ZNF433: variants seen among roughly 807,000 people sequenced by gnomAD.
ZNF433 encodes the protein zinc finger protein 433.
A neutral mutation model predicts 10.6 loss-of-function variants in ZNF433; 12 were observed. The observed-to-expected ratio is 1.13, with a 90% CI of 0.72 to 1.83. ZNF433 has a LOEUF of 1.83. Ranked by LOEUF, ZNF433 falls within the 40% of genes most tolerant of loss-of-function variation. The pLI is 0.00. For synonymous variants in ZNF433, 272 were observed against 271.3 expected (o/e 1.00, Z -0.02); for missense variants, 737 against 798.0 (o/e 0.92, Z 0.92).
chr19:12,017,214 T>A (rs1164457900), intron 3 of ZNF433, among the ~76,000 whole-genome samples: 1 of 152,044 alleles, frequency 6.6e-6, no homozygotes, highest in Non-Finnish European at 1.5e-5. Flanking sequence ...TTTTGTTTTG[T>A]TTTTTTGAGA....
chr19:12,015,623 G>T lies in ZNF433; in HGVS notation c.1235C>A (p.Thr412Asn). 5.6e-6 allele frequency: 9 copies of T among 1,613,970 alleles called. No individual in the cohort carries two copies. The highest frequency in any genetic ancestry group is 7.6e-6 in the Non-Finnish European group (9 of 1,179,994). Reference sequence around the variant, plus strand: ...CTCGTAAGGTTTCTCTCCAGTGTGAGTTCTTTCATGATATCGGAAGGAACT... The same window carrying T: ...CTCGTAAGGTTTCTCTCCAGTGTGATTTCTTTCATGATATCGGAAGGAACT... ...SSSSFRYHER[T>N]HTGEKPYECK... Residue 412 changes from threonine to asparagine, a missense_variant, in exon 4 of 4, where the codon ACT becomes AAT. By Grantham distance (65) the Thr-to-Asn change is moderately conservative. Coordinates refer to ENST00000550507, the MANE Select transcript of ZNF433 (RefSeq NM_001308348.2).
rs759409147 is a variant in ZNF433 at position 12,017,919 on chromosome 19, G to T, written c.148C>A (p.Gln50Lys). The T allele has an allele frequency of 3.2e-6, 5 of 1,586,718 alleles. No homozygotes were observed. In the East Asian group the frequency reaches 9.0e-5, roughly 29 times the overall value. Residue 50 changes from glutamine to lysine, a missense_variant, in exon 3 of 4, where the codon CAG (glutamine) becomes AAG (lysine). Physicochemically the swap from Gln to Lys is moderately conservative, Grantham distance 53 (BLOSUM62 1). Coordinates refer to ENST00000550507, the MANE Select transcript of ZNF433 (RefSeq NM_001308348.2). ...LASIGKKWKPQNIYVEYENLR... is the reference protein window; with the variant it reads ...LASIGKKWKPKNIYVEYENLR... ...TTTTCGTACTCTACATATATGTTCT[G>T]GGGTTTCCATTTTTTCCCTACAACA...
At chr19:12,033,467 A>G (rs1398049666) in intron 1 of ZNF433, among the ~76,000 whole-genome samples, 1 of 151,694 alleles carries the variant, frequency 6.6e-6, no homozygotes, top group Non-Finnish European at 1.5e-5. Flanking sequence ...TGCAGTGAGC[A>G]GAGATTGTGC....
At position 12,018,312 on chromosome 19, in the gene ZNF433, T is replaced by C. The variant is rs762723085; in HGVS notation, c.4-20A>G. ...TGAATCCTGAAACATCTCACATGTA[T>C]AGAGGAGGATGGATAAGACTAACAT... is the stretch of plus-strand genomic sequence containing the variant. On this transcript the variant is annotated intron_variant, in intron 1 of 3. Transcript: ENST00000550507. 6.2e-7 allele frequency: 1 copy of C among 1,605,372 alleles called. No individual in the cohort carries two copies.
chr19:12,029,807 C>A (rs1046876305), intron 1 of ZNF433, among the ~76,000 whole-genome samples: 1 of 151,166 alleles, frequency 6.6e-6, no homozygotes, highest in East Asian at 2.0e-4. Context: ...GCTGGCCGGG[C>A]GCGGTGGCTC....
At chr19:12,034,795 A>G in intron 1 of ZNF433, 2 of 453,082 alleles carry the variant, frequency 4.4e-6, no homozygotes, top group South Asian at 3.1e-5. Context: ...CCCCCCTTCC[A>G]CAGGTCCCGC....
Position 12,016,143 on chromosome 19 carries a change from G to A in ZNF433, c.715C>T (p.Arg239Ter), listed in dbSNP as rs749066771. The A allele has an allele frequency of 7.4e-6, 12 of 1,613,918 alleles. No homozygotes were observed. The highest frequency in any genetic ancestry group is 6.7e-5 in the East Asian group (3 of 44,868). Residue 239 changes from arginine (R) to a stop codon, truncating the protein, a stop_gained, in exon 4 of 4, where the codon CGA becomes TGA. Transcript: ENST00000550507. LOFTEE classifies it low-confidence loss of function (END_TRUNC). ...GKAFSHSSSL[R>*]IHERTHTGEK... is the part of the protein sequence containing the mutation. ...CCAGTGTGAGTTCTTTCATGTATTC[G>A]AAGGCTACTAGAATGACTAAAGGCT...
rs1975080209 is a variant in ZNF433, at chr19:12,032,450, A to G, written c.3+3087T>C. ...TACACTGCCCGCAGAGAAGAAAAAA[A>G]CATATTAAGAAATGGAATATAAGAC... On this transcript the variant is annotated intron_variant, in intron 1 of 3. Coordinates refer to ENST00000550507, the MANE Select transcript of ZNF433 (RefSeq NM_001308348.2). Among the ~76,000 whole-genome samples the G allele has an allele frequency of 2.6e-5, 4 of 152,164 alleles. No homozygotes were observed. In the South Asian group the frequency reaches 6.2e-4, roughly 24 times the overall value.
At chr19:12,020,786 G>A (rs984735820) in intron 1 of ZNF433, among the ~76,000 whole-genome samples, 5 of 151,642 alleles carry the variant, frequency 3.3e-5, no homozygotes, top group African/African-American at 1.2e-4. Context: ...GTGTAGTGAT[G>A]CGCGCTACTG....
intron 1 of ZNF433, among the ~76,000 whole-genome samples, chr19:12,031,317 A>AAAAAAC (rs1975016084): frequency 2.6e-5 from 3 of 116,972 alleles, no homozygotes; most frequent in African/African-American, 5.7e-5. Flanking sequence ...AAAACAAAAC[A>AAAAAAC]AAAAAAAAAA....
intron 1 of ZNF433, chr19:12,026,570 T>C (rs1974743716): frequency 2.2e-5 from 9 of 400,310 alleles, no homozygotes; most frequent in Admixed American, 1.9e-4. Context: ...GTGATCACTC[T>C]ATGACACAGT....
At chr19:12,027,480 C>A (rs1974796403) in intron 1 of ZNF433, among the ~76,000 whole-genome samples, 1 of 152,202 alleles carries the variant, frequency 6.6e-6, no homozygotes, top group Non-Finnish European at 1.5e-5. Context: ...ACCTGGCCCA[C>A]CCAGGGCGGA....
intron 1 of ZNF433, among the ~76,000 whole-genome samples, chr19:12,030,987 G>A (rs999992830): frequency 1.3e-5 from 2 of 152,018 alleles, no homozygotes; most frequent in Non-Finnish European, 2.9e-5. Context: ...GAAGCAGGAA[G>A]ATCACTTGAA....
rs755746581 is a variant in ZNF433 at position 12,015,601 on chromosome 19, G to A, written c.1257C>T (p.Tyr419=). 45 of 1,607,312 alleles carry A rather than the reference G, an allele frequency of 2.8e-5. No individual in the cohort carries two copies. Among genetic ancestry groups the A allele is most frequent in the South Asian group, 2.6e-4 (23 of 90,042 alleles). Residue 419 remains tyrosine, a synonymous_variant, in exon 4 of 4, where the codon TAC becomes TAT. Coordinates refer to ENST00000550507, the MANE Select transcript of ZNF433 (RefSeq NM_001308348.2). ...AGGCTTTCCCACATTGCTTACACTC[G>A]TAAGGTTTCTCTCCAGTGTGAGTTC... The part of the protein sequence containing the change: ...HERTHTGEKP[Y]ECKQCGKAFR...
intron 1 of ZNF433, chr19:12,024,014 C>T (rs1974620877): frequency 1.3e-5 from 2 of 152,020 alleles, no homozygotes; most frequent in African/African-American, 4.8e-5. Context: ...GAAACTATAC[C>T]TTTAAAATGG....
chr19:12,021,998 G>A (rs1026858907), intron 1 of ZNF433: 2 of 456,340 alleles, frequency 4.4e-6, no homozygotes, highest in African/African-American at 4.0e-5. Context: ...CTGTGATAGA[G>A]ACTTAGGTGT....
At chr19:12,035,190 C>CCTCCTCCTACACAAACCCCCGCCT (rs1975226922) in intron 1 of ZNF433, among the ~76,000 whole-genome samples, 1 of 151,924 alleles carries the variant, frequency 6.6e-6, no homozygotes, top group South Asian at 2.1e-4. Context: ...CACAGCCCAC[C>CCTCCTCCTACACAAACCCCCGCCT]CTCCTCCTAC....
At position 12,035,656 on chromosome 19, in the gene ZNF433, C is replaced by T. The variant is rs1975259752; in HGVS notation, c.-117G>A. The T allele has an allele frequency of 1.4e-6, 2 of 1,417,516 alleles. No individual in the cohort carries two copies. The highest frequency in any genetic ancestry group is 2.6e-5 in the East Asian group (1 of 37,902). The allele number at this position is 1,417,516 out of a possible 1,614,324, so 87.8% of individuals were successfully genotyped here. Reference sequence around the variant, plus strand: ...GAAAGCCAGGCTCCCAACCTCAGCTCGCCGCCTGGAGCCGGGAACCGAGGA... The same window carrying T: ...GAAAGCCAGGCTCCCAACCTCAGCTTGCCGCCTGGAGCCGGGAACCGAGGA... On this transcript the variant is annotated 5_prime_UTR_variant, in exon 1 of 4. Transcript: ENST00000550507.
At chr19:12,018,314 G>C in intron 1 of ZNF433, 22 bp from the exon 2 acceptor site, 1 of 1,604,318 alleles carries the variant, frequency 6.2e-7, no homozygotes, top group Non-Finnish European at 8.5e-7. Flanking sequence ...CACATGTATA[G>C]AGGAGGATGG....
Sources: gnomAD v4.1 joint callset for allele counts (sites outside exome capture counted in the v4.1 genomes callset) on GRCh38, gnomAD v4.1.1 for gene constraint, MANE v1.5 for transcripts, NCBI Gene and HGNC (gene_info 2026-07-23, HGNC 2026-07-21) for gene names.